The following SORBS3 variants were observed in gnomAD, a reference collection of about 807,000 sequenced individuals.
The protein encoded by SORBS3 is vinexin.
In SORBS3, 69 loss-of-function variants were observed where a neutral mutation model predicts 98.0. The ratio of observed to expected loss-of-function variants is 0.70; its 90% CI spans 0.58 to 0.86. SORBS3 has a LOEUF of 0.86. Among genes scored for constraint, SORBS3 ranks in the 40% least tolerant of loss-of-function variants. The pLI is 0.00. For missense variants in SORBS3, 954 were observed against 908.5 expected (o/e 1.05, Z -0.64); for synonymous variants, 394 against 355.4 (o/e 1.11, Z -1.22).
intron 7 of SORBS3, 99 bp from the exon 8 acceptor site, chr8:22,563,888 C>A: frequency 1.1e-6 from 1 of 896,424 alleles, no homozygotes; most frequent in Non-Finnish European, 1.8e-6. Flanking sequence ...CAGAGTAGAC[C>A]CCACAGCAGG....
chr8:22,561,348 C>G lies in SORBS3; in HGVS notation c.492C>G (p.Asp164Glu), dbSNP rs755660072. 8.1e-6 allele frequency: 13 copies of G among 1,607,248 alleles called. No homozygotes were observed. The highest frequency in any genetic ancestry group is 1.0e-5 in the Non-Finnish European group (12 of 1,175,910). The change falls in exon 6 of 21, where the codon GAC (aspartate) becomes GAG (glutamate). Residue 164 changes from aspartate (D) to glutamate (E), a missense_variant. Transcript: ENST00000240123. ...IHRKMPDLQL[D>E]WTFEEPPRDP... ...CTGCTCCTGCAGACTTGCAGCTGGA[C>G]TGGACCTTCGAGGAGCCACCCAGAG... is the stretch of plus-strand genomic sequence containing the variant.
chr8:22,565,494 T>C lies in SORBS3; in HGVS notation c.903+140T>C, dbSNP rs951411506. On this transcript the variant is annotated intron_variant, in intron 11 of 20. Transcript: ENST00000240123. ...AGCGGCGCGCACCGGCCTCGGGCCC[T>C]CCTGGGCGCTGGCGGGCTCGCTCCT... 6.1e-6 allele frequency: 4 copies of C among 659,950 alleles called. No individual in the cohort carries two copies. The African/African-American group carries it at 7.7e-5, about 13-fold the overall frequency. The allele number at this position is 659,950 out of a possible 1,614,324, so 40.9% of individuals were successfully genotyped here. A position where few individuals can be genotyped will look rare whatever the true frequency, so the allele number is the denominator to read the frequency against.
At chr8:22,557,018 TC>T in intron 4 of SORBS3, 110 bp downstream of exon 4, 1 of 1,247,066 alleles carries the variant, frequency 8.0e-7, no homozygotes, top group Non-Finnish European at 1.1e-6. Flanking sequence ...ACCCAAACCA[TC>T]CCAGATTAAG....
At position 22,571,769 on chromosome 8, in the gene SORBS3, C is replaced by T. The variant is rs1252274152; in HGVS notation, c.1795C>T (p.Pro599Ser). The T allele has an allele frequency of 6.2e-7, 1 of 1,613,976 alleles. No individual in the cohort carries two copies. Among genetic ancestry groups the T allele is most frequent in the Non-Finnish European group, 8.5e-7 (1 of 1,179,926 alleles). The change falls in exon 19 of 21, where the codon CCC (proline) becomes TCC (serine). Residue 599 changes from proline to serine, a missense_variant. Physicochemically the swap from Pro to Ser is moderately conservative, Grantham distance 74. Transcript: ENST00000240123. ...GTCCCACTCTCGAGGTCCCAGCCAT[C>T]CCCTGGACCTGGGGACCTCCTCTCC... ...ALSHSRGPSH[P>S]LDLGTSSPNT...
intron 20 of SORBS3, among the ~76,000 whole-genome samples, chr8:22,573,698 C>T (rs745398733): frequency 6.6e-6 from 1 of 152,166 alleles, no homozygotes; most frequent in Non-Finnish European, 1.5e-5. Flanking sequence ...GCACGGGCTG[C>T]CCCCAAGGAA....
chr8:22,561,758 C>A, intron 6 of SORBS3, 107 bp from the exon 7 acceptor site: 1 of 1,007,322 alleles, frequency 9.9e-7, no homozygotes, highest in Admixed American at 1.9e-5. Context: ...CACCCAGGAG[C>A]AAGGGGGTGG....
Position 22,565,250 on chromosome 8 carries a change from G to T in SORBS3, c.817-18G>T. The T allele has an allele frequency of 6.5e-7, 1 of 1,548,050 alleles. No homozygotes were observed. Among genetic ancestry groups the T allele is most frequent in the Non-Finnish European group, 8.7e-7 (1 of 1,144,920 alleles). ...ACGGTGCGCTGCCCCTCACTGCCCA[G>T]CCTCTCCCCGCCCCCAGGTGCTGCT... is the stretch of plus-strand genomic sequence containing the variant. On this transcript the variant is annotated intron_variant, in intron 10 of 20. Coordinates refer to ENST00000240123, the MANE Select transcript of SORBS3 (RefSeq NM_005775.5).
At position 22,558,898 on chromosome 8, in the gene SORBS3, G is replaced by C. The variant is rs531747879; in HGVS notation, c.478+706G>C. ...GCATTCCAGCAAAGGGAGCTCCGAA[G>C]ACCCAGAGGTAGAAGCATGTTCTGG... On this transcript the variant is annotated intron_variant, in intron 5 of 20. Coordinates refer to ENST00000240123, the MANE Select transcript of SORBS3 (RefSeq NM_005775.5). Among the ~76,000 whole-genome samples, 3 of 152,372 alleles carry C rather than the reference G, an allele frequency of 2.0e-5. No individual in the cohort carries two copies. The South Asian group carries it at 6.2e-4, about 32-fold the overall frequency.
intron 10 of SORBS3, 164 bp downstream of exon 10, chr8:22,564,685 C>T (rs1840367883): frequency 1.4e-6 from 2 of 1,381,228 alleles, no homozygotes; most frequent in African/African-American, 1.5e-5. Context: ...GGCTGGCATA[C>T]AGGAGGCGCT....
chr8:22,545,461 AGT>A (rs1455353545), intron 1 of SORBS3: 1 of 152,302 alleles, frequency 6.6e-6, no homozygotes, highest in Non-Finnish European at 1.5e-5. Flanking sequence ...GAATGGGGTC[AGT>A]GTTAGCTGCC....
intron 6 of SORBS3, chr8:22,561,587 A>C: frequency 1.6e-6 from 1 of 619,898 alleles, no homozygotes; most frequent in Admixed American, 2.7e-5. Flanking sequence ...GCGCTCTGCC[A>C]CTCCCTGGCC....
At chr8:22,560,612 T>C (rs1167562110) in intron 5 of SORBS3, among the ~76,000 whole-genome samples, 1 of 151,872 alleles carries the variant, frequency 6.6e-6, no homozygotes, top group Non-Finnish European at 1.5e-5. Flanking sequence ...AACGTGGAGG[T>C]CACCAGCATC....
rs994676341 is a variant in SORBS3, at chr8:22,562,909, G to T, written c.584+978G>T. ...AGGCGGGCGGATCACGAGGTCAGGA[G>T]ATCGAGACCATCCTGGCTAACATGG... On this transcript the variant is annotated intron_variant, in intron 7 of 20. Coordinates refer to ENST00000240123, the MANE Select transcript of SORBS3 (RefSeq NM_005775.5). Among the ~76,000 whole-genome samples, 26 of 152,328 alleles carry T rather than the reference G, an allele frequency of 1.7e-4. No individual in the cohort carries two copies. The East Asian group carries it at 4.4e-3, about 26-fold the overall frequency.
chr8:22,563,936 G>T, intron 7 of SORBS3, 51 bp from the exon 8 acceptor site: 1 of 1,414,568 alleles, frequency 7.1e-7, no homozygotes. Flanking sequence ...GCTGGCTTCT[G>T]CCTCAGTCTC....
At chr8:22,567,667 C>T (rs577619821) in intron 16 of SORBS3, among the ~76,000 whole-genome samples, 2 of 152,290 alleles carry the variant, frequency 1.3e-5, no homozygotes, top group African/African-American at 4.8e-5. Flanking sequence ...GAATCTGAAT[C>T]CAGGTCTTTT....
rs1191541541 is a variant in SORBS3, at chr8:22,554,564, G to T, written c.58G>T (p.Gly20Cys). 2 of 1,612,834 alleles carry T rather than the reference G, an allele frequency of 1.2e-6. No homozygotes were observed. Among genetic ancestry groups the T allele is most frequent in the Non-Finnish European group, 1.7e-6 (2 of 1,179,972 alleles). The change falls in exon 2 of 21, where the codon GGC (glycine) becomes TGC (cysteine). Residue 20 changes from glycine (G) to cysteine (C), a missense_variant. Gly to Cys is a radical substitution (Grantham distance 159). Coordinates refer to ENST00000240123, the MANE Select transcript of SORBS3 (RefSeq NM_005775.5). The surrounding 1 kb of genome is among the most constrained non-coding windows in gnomAD (Gnocchi z 6.5). ...AGLSLDDFIP[G>C]HLQSHIGSSS... ...GCTCAGCCTGGACGACTTCATCCCTGGCCACCTCCAGTCCCACATAGGGTC... is the reference window on the plus strand; with the variant it reads ...GCTCAGCCTGGACGACTTCATCCCTTGCCACCTCCAGTCCCACATAGGGTC...
upstream of SORBS3, chr8:22,550,084 A>C (rs1431971273): frequency 1.1e-6 from 1 of 901,140 alleles, no homozygotes; most frequent in East Asian, 1.2e-4. Flanking sequence ...GTCTAAGAAA[A>C]TGGGCACCTA....
intron 11 of SORBS3, 171 bp from the exon 12 acceptor site, chr8:22,565,655 T>TTCCCCTAGTTCC: frequency 8.7e-7 from 1 of 1,145,924 alleles, no homozygotes; most frequent in Admixed American, 4.5e-5. Context: ...CCCCCGCCCC[T>TTCCCCTAGTTCC]TCCCCTAGTT....
rs1563819087 is a variant in SORBS3, at chr8:22,558,145, G to C, written c.431G>C (p.Arg144Thr). Residue 144 changes from arginine (R) to threonine (T), a missense_variant, in exon 5 of 21, where the codon AGA becomes ACA. Transcript: ENST00000240123. The part of the protein sequence containing the change: ...IAPRSSVDRP[R>T]DWYRRMFQQI... ...TGATCCCAGAGCGTTGACAGACCCA[G>C]AGACTGGTACCGGAGAATGTTCCAG... 3 of 1,614,082 alleles carry C rather than the reference G, an allele frequency of 1.9e-6. No homozygotes were observed. The highest frequency in any genetic ancestry group is 2.5e-6 in the Non-Finnish European group (3 of 1,180,038).
Sources: allele counts gnomAD v4.1 joint callset (sites outside exome capture counted in the v4.1 genomes callset), GRCh38; gene constraint gnomAD v4.1.1; non-coding constraint Gnocchi (gnomAD v3.1); transcripts MANE v1.5; gene names NCBI Gene and HGNC (gene_info 2026-07-23, HGNC 2026-07-21).